GYPE: variants seen among roughly 807,000 people sequenced by gnomAD.
GYPE encodes the protein glycophorin-E.
Under a neutral mutation model 11.6 loss-of-function variants are expected in GYPE, and 8 were observed. The ratio of observed to expected loss-of-function variants is 0.69; its 90% confidence interval spans 0.41 to 1.25. GYPE has a LOEUF of 1.25. Ranked by LOEUF, GYPE falls within the 50% of genes most tolerant of loss-of-function variation. The probability of loss-of-function intolerance (pLI) is 0.01; values close to 1 mark genes in which losing one functional copy is unlikely to be tolerated. For synonymous variants in GYPE, 28 were observed against 29.6 expected (o/e 0.94, Z 0.18); for missense variants, 90 against 92.8 (o/e 0.97, Z 0.12).
At chr4:143,874,963 C>T (rs1169741069) in intron 3 of GYPE, among the ~76,000 whole-genome samples, 1 of 152,162 alleles carries the variant, frequency 6.6e-6, no homozygotes, top group Non-Finnish European at 1.5e-5. Flanking sequence ...GTAAGCCTAT[C>T]AAGAATCTGG....
intron 2 of GYPE, chr4:143,878,825 T>G (rs1015964380): frequency 1.7e-5 from 6 of 363,404 alleles, no homozygotes; most frequent in African/African-American, 1.3e-4. Flanking sequence ...CTAGTAAAAT[T>G]TATGAGGGAA....
intron 2 of GYPE, among the ~76,000 whole-genome samples, chr4:143,877,875 T>A (rs1413938360): frequency 1.4e-5 from 2 of 147,832 alleles, no homozygotes; most frequent in African/African-American, 2.5e-5. Context: ...GTCAAGATGG[T>A]CCCTAAGTGG....
chr4:143,896,639 C>G (rs1266650310), intron 1 of GYPE, among the ~76,000 whole-genome samples: 1 of 152,132 alleles, frequency 6.6e-6, no homozygotes, highest in African/African-American at 2.4e-5. Context: ...CCATTTGACC[C>G]AGCCATCCCA....
At chr4:143,878,656 T>C (rs1464105033) in intron 2 of GYPE, 1 of 490,152 alleles carries the variant, frequency 2.0e-6, no homozygotes, top group Non-Finnish European at 4.3e-6. Context: ...AGGGAAACGA[T>C]GGACAAGTTG....
At chr4:143,879,608 A>G (rs182427063) in intron 2 of GYPE, among the ~76,000 whole-genome samples, 7 of 152,296 alleles carry the variant, frequency 4.6e-5, no homozygotes, top group African/African-American at 1.4e-4. Flanking sequence ...CTAAGAACAT[A>G]TCATTTTCCT....
chr4:143,884,897 C>CT (rs1744176902), intron 1 of GYPE, among the ~76,000 whole-genome samples: 1 of 106,594 alleles, frequency 9.4e-6, no homozygotes, highest in Admixed American at 9.9e-5. Context: ...AGAATTTGGA[C>CT]TTTATCTTTA....
chr4:143,900,559 A>G (rs1315693624), intron 1 of GYPE, among the ~76,000 whole-genome samples: 2 of 144,388 alleles, frequency 1.4e-5, no homozygotes, highest in African/African-American at 5.1e-5. Flanking sequence ...ATGGATCGAT[A>G]AGCAAAATGT....
intron 1 of GYPE, among the ~76,000 whole-genome samples, chr4:143,883,675 AATTTAAT>A (rs1744143096): frequency 1.4e-5 from 2 of 147,158 alleles, no homozygotes; most frequent in Non-Finnish European, 3.0e-5. Context: ...ATAATTAATA[AATTTAAT>A]TAATAAAATT....
chr4:143,876,760 G>A lies in GYPE; in HGVS notation c.232C>T (p.Arg78Ter), dbSNP rs775752453. 1.1e-5 allele frequency: 18 copies of A among 1,577,930 alleles called. No individual in the cohort carries two copies. The highest frequency in any genetic ancestry group is 6.7e-5 in the South Asian group (6 of 89,652). The change falls in exon 3 of 4, where the codon CGA becomes TGA. Residue 78 changes from arginine to a stop codon, truncating the protein, a stop_gained. Transcript: ENST00000358615. LOFTEE classifies it high-confidence loss of function. ...GMIILISYCI[R>*] Reference sequence around the variant, plus strand: ...TGAATTCTCACCTTTATCAGTCATCGAATACAGTAAGAAATTAAGATGATC... The same window carrying A: ...TGAATTCTCACCTTTATCAGTCATCAAATACAGTAAGAAATTAAGATGATC...
chr4:143,876,914 A>T, intron 2 of GYPE, 59 bp from the exon 3 acceptor site: 1 of 912,460 alleles, frequency 1.1e-6, no homozygotes, highest in Admixed American at 1.8e-5. Context: ...GACCACATCC[A>T]ATTGAAAAAT....
rs978580240 is a variant in GYPE, at chr4:143,902,765, C to T, written c.37+2706G>A. 2.0e-4 allele frequency among the ~76,000 whole-genome samples: 30 copies of T among 152,132 alleles called. 1 individual carries two copies. Among genetic ancestry groups the T allele is most frequent in the South Asian group, 1.5e-3 (7 of 4,822 alleles). ...GAATAAAGTAGGCATGATGATATCA[C>T]ACCAGTCCCTTTGTTTCCTCCAATT... is the stretch of plus-strand genomic sequence containing the variant. On this transcript the variant is annotated intron_variant, in intron 1 of 3. Coordinates refer to ENST00000358615, the MANE Select transcript of GYPE (RefSeq NM_198682.3).
rs1162766933 is a variant in GYPE at position 143,871,812 on chromosome 4, T to C, written c.*450A>G. On this transcript the variant is annotated 3_prime_UTR_variant, in exon 4 of 4. Coordinates refer to ENST00000358615, the MANE Select transcript of GYPE (RefSeq NM_198682.3). ...CCCTATCCTAAGGGAAAGGGAATTG[T>C]GGTTGGACAACCGAGTTCTGAGAAA... The C allele has an allele frequency of 6.6e-6, 1 of 152,200 alleles. No individual in the cohort carries two copies. The highest frequency in any genetic ancestry group is 2.4e-5 in the African/African-American group (1 of 41,442). 9.4% of individuals were successfully genotyped at this position (152,200 alleles called of 1,614,324 possible). A position where few individuals can be genotyped will look rare whatever the true frequency, so the allele number is the denominator to read the frequency against.
chr4:143,897,725 C>T (rs1744704273), intron 1 of GYPE, among the ~76,000 whole-genome samples: 1 of 152,048 alleles, frequency 6.6e-6, no homozygotes, highest in African/African-American at 2.4e-5. Context: ...GCACTCACGG[C>T]CTGCACAAGC....
Position 143,871,970 on chromosome 4 carries a change from G to A in GYPE, c.*292C>T, listed in dbSNP as rs1010825893. 3 of 152,106 alleles carry A rather than the reference G, an allele frequency of 2.0e-5. No homozygotes were observed. Among genetic ancestry groups the A allele is most frequent in the Non-Finnish European group, 4.4e-5 (3 of 68,022 alleles). The allele number at this position is 152,106 out of a possible 1,614,324, so 9.4% of individuals were successfully genotyped here. A position where few individuals can be genotyped will look rare whatever the true frequency, so the allele number is the denominator to read the frequency against. On this transcript the variant is annotated 3_prime_UTR_variant, in exon 4 of 4. Transcript: ENST00000358615. ...AGGAGGACTGTCCCCTAGGCAAGGG[G>A]ACACCAAACACAATGAGGCATGGGA... is the stretch of plus-strand genomic sequence containing the variant.
intron 1 of GYPE, among the ~76,000 whole-genome samples, chr4:143,897,066 G>A (rs1378746236): frequency 6.6e-6 from 1 of 152,178 alleles, no homozygotes; most frequent in African/African-American, 2.4e-5. Context: ...TAAATGACGA[G>A]TTAATGGGTG....
Position 143,880,631 on chromosome 4 carries a change from A to G in GYPE, c.38-122T>C. ...GTCCCTGAGCTAAGCGCTTTGGTATATATCTTACATAATCTTTAGAGAATT... is the reference window on the plus strand; with the variant it reads ...GTCCCTGAGCTAAGCGCTTTGGTATGTATCTTACATAATCTTTAGAGAATT... On this transcript the variant is annotated intron_variant, in intron 1 of 3. Coordinates refer to ENST00000358615, the MANE Select transcript of GYPE (RefSeq NM_198682.3). The G allele has an allele frequency of 4.3e-6, 6 of 1,389,822 alleles. No individual in the cohort carries two copies. In the East Asian group the frequency reaches 9.7e-5, roughly 23 times the overall value. The allele number at this position is 1,389,822 out of a possible 1,614,324, so 86.1% of individuals were successfully genotyped here. A position where few individuals can be genotyped will look rare whatever the true frequency, so the allele number is the denominator to read the frequency against.
intron 1 of GYPE, among the ~76,000 whole-genome samples, chr4:143,896,549 ATTG>A (rs1467635343): frequency 6.6e-6 from 1 of 152,190 alleles, no homozygotes; most frequent in African/African-American, 2.4e-5. Flanking sequence ...ACACTTTTAC[ATTG>A]TTGGTGGGAC....
intron 1 of GYPE, among the ~76,000 whole-genome samples, chr4:143,895,257 C>G (rs182175833): frequency 6.6e-6 from 1 of 152,116 alleles, no homozygotes; most frequent in Non-Finnish European, 1.5e-5. Flanking sequence ...CTAGAAAACC[C>G]CATTGTCTTG....
chr4:143,888,054 G>A (rs1167854620), intron 1 of GYPE, among the ~76,000 whole-genome samples: 1 of 35,804 alleles, frequency 2.8e-5, no homozygotes, highest in African/African-American at 5.8e-5. Context: ...CATGTGTTGG[G>A]GGAGAGAGCG....
Sources: allele counts gnomAD v4.1 joint callset (sites outside exome capture counted in the v4.1 genomes callset), GRCh38; gene constraint gnomAD v4.1.1; transcripts MANE v1.5; gene names NCBI Gene and HGNC (gene_info 2026-07-23, HGNC 2026-07-21).